GSTA3: variants seen among roughly 807,000 people sequenced by gnomAD.
GSTA3 encodes glutathione S-transferase A3.
In GSTA3, 16 loss-of-function variants were observed where a neutral mutation model predicts 23.1. The ratio of observed to expected loss-of-function variants is 0.69; its 90% CI spans 0.47 to 1.05. The LOEUF is 1.05. Among genes scored for constraint, GSTA3 ranks in the 50% least tolerant of loss-of-function variants. GSTA3 has a pLI of 0.00. For missense variants in GSTA3, 319 were observed against 263.6 expected (o/e 1.21, Z -1.46); for synonymous variants, 122 against 91.0 (o/e 1.34, Z -1.94).
chr6:52,901,736 C>T (rs1314371540), intron 4 of GSTA3, among the ~76,000 whole-genome samples: 1 of 152,186 alleles, frequency 6.6e-6, no homozygotes, highest in Non-Finnish European at 1.5e-5. Context: ...TAGAATCAGG[C>T]AGCCCTATTG....
chr6:52,899,096 T>G (rs1471941655), intron 5 of GSTA3, among the ~76,000 whole-genome samples: 1 of 151,548 alleles, frequency 6.6e-6, no homozygotes, highest in Non-Finnish European at 1.5e-5. Context: ...CGGAATGAGT[T>G]AGGGTAGAGC....
At chr6:52,901,550 A>G (rs1765684557) in intron 4 of GSTA3, among the ~76,000 whole-genome samples, 1 of 152,164 alleles carries the variant, frequency 6.6e-6, no homozygotes, top group African/African-American at 2.4e-5. Flanking sequence ...GGTTATTTCT[A>G]CGTTTTGAAT....
chr6:52,899,499 A>G (rs972762315), intron 5 of GSTA3, among the ~76,000 whole-genome samples: 1 of 152,186 alleles, frequency 6.6e-6, no homozygotes, highest in Non-Finnish European at 1.5e-5. Context: ...TCTCTGAAAC[A>G]CTACAATATT....
chr6:52,897,013 C>T, intron 6 of GSTA3, 85 bp from the exon 7 acceptor site: 1 of 1,578,642 alleles, frequency 6.3e-7, no homozygotes, highest in East Asian at 2.2e-5. Context: ...ACCCCTCCTG[C>T]CAGAGACCAA....
At chr6:52,899,455 A>C (rs961652585) in intron 5 of GSTA3, among the ~76,000 whole-genome samples, 2 of 151,958 alleles carry the variant, frequency 1.3e-5, no homozygotes, top group African/African-American at 2.4e-5. Context: ...CTTCCTCTCC[A>C]CCCCACTGTC....
intron 1 of GSTA3, among the ~76,000 whole-genome samples, chr6:52,908,156 CTT>C (rs3063696): frequency 0.38 from 50,214 of 132,658 alleles, 9,013 homozygotes; most frequent in Admixed American, 0.52. Flanking sequence ...CAAGAGCAAT[CTT>C]TTTTTTTTTT....
chr6:52,899,829 G>A lies in GSTA3; in HGVS notation c.414+105C>T, dbSNP rs1199618697. 8 of 1,044,320 alleles carry A rather than the reference G, an allele frequency of 7.7e-6. No homozygotes were observed. In the Admixed American group the frequency reaches 8.2e-5, roughly 11 times the overall value. The allele number at this position is 1,044,320 out of a possible 1,614,324, so 64.7% of individuals were successfully genotyped here. A position where few individuals can be genotyped will look rare whatever the true frequency, so the allele number is the denominator to read the frequency against. On this transcript the variant is annotated intron_variant, in intron 5 of 6. Transcript: ENST00000211122. Reference sequence around the variant, plus strand: ...GTCAGAGAGCTGAATTGGTGTTCAGGAAGTCTCACTGAAAGTGAAGGTCAG... The same window carrying A: ...GTCAGAGAGCTGAATTGGTGTTCAGAAAGTCTCACTGAAAGTGAAGGTCAG...
chr6:52,905,537 G>T (rs1765861831), intron 2 of GSTA3, among the ~76,000 whole-genome samples: 1 of 151,514 alleles, frequency 6.6e-6, no homozygotes, highest in Admixed American at 6.6e-5. Context: ...TATTTTAATT[G>T]TTCATGTGTT....
intron 3 of GSTA3, among the ~76,000 whole-genome samples, 187 bp downstream of exon 3, chr6:52,903,489 C>T (rs940497232): frequency 6.6e-6 from 1 of 150,488 alleles, no homozygotes; most frequent in South Asian, 2.1e-4. Context: ...CCCAGCTACT[C>T]GGGAGGCTGA....
chr6:52,903,711 A>G lies in GSTA3; in HGVS notation c.104T>C (p.Ile35Thr). Residue 35 changes from isoleucine (I) to threonine (T), a missense_variant, in exon 3 of 7, where the codon ATA becomes ACA. By Grantham distance (89) the Ile-to-Thr change is moderately conservative (BLOSUM62 -1). Coordinates refer to ENST00000211122, the MANE Select transcript of GSTA3 (RefSeq NM_000847.5). ...AAGVEFEEKFIGSAEDLGKLR... is the reference protein window; with the variant it reads ...AAGVEFEEKFTGSAEDLGKLR... ...CTTTCCCAAATCTTCTGCAGATCCTATAAATTTCTCTTCAAACTGGAAGCA... is the reference window on the plus strand; with the variant it reads ...CTTTCCCAAATCTTCTGCAGATCCTGTAAATTTCTCTTCAAACTGGAAGCA... 1 of 1,592,820 alleles carries G rather than the reference A, an allele frequency of 6.3e-7. No homozygotes were observed. The highest frequency in any genetic ancestry group is 1.7e-5 in the Admixed American group (1 of 59,910).
rs768064423 is a variant in GSTA3 at position 52,899,979 on chromosome 6, C to T, written c.369G>A (p.Leu123=). ...AGCGACTTTTTGTTTTCTCTTTGAT[C>T]AAGGCAATCTTGGCATCTTTTTCCT... ...RPEEKDAKIA[L]IKEKTKSRYF... Residue 123 remains leucine, a synonymous_variant, in exon 5 of 7, where the codon TTG becomes TTA. Transcript: ENST00000211122. The T allele has an allele frequency of 3.1e-6, 5 of 1,614,024 alleles. No homozygotes were observed. The Middle Eastern group carries it at 4.9e-4, about 160-fold the overall frequency.
chr6:52,903,648 T>C, intron 3 of GSTA3, 28 bp downstream of exon 3: 1 of 1,267,396 alleles, frequency 7.9e-7, no homozygotes, highest in Non-Finnish European at 1.2e-6. Flanking sequence ...GATACCCTCA[T>C]CAGAGGCACT....
intron 1 of GSTA3, among the ~76,000 whole-genome samples, chr6:52,906,587 A>G (rs1364840853): frequency 6.6e-6 from 1 of 152,184 alleles, no homozygotes; most frequent in African/African-American, 2.4e-5. Context: ...AGTAACCAAA[A>G]CAGCATGGTA....
At chr6:52,901,504 A>G (rs995422503) in intron 4 of GSTA3, among the ~76,000 whole-genome samples, 1 of 152,176 alleles carries the variant, frequency 6.6e-6, no homozygotes, top group Non-Finnish European at 1.5e-5. Context: ...GCTAAGGCAC[A>G]CTTTGTTCCT....
chr6:52,898,293 G>A (rs1765531826), intron 5 of GSTA3, among the ~76,000 whole-genome samples: 1 of 152,064 alleles, frequency 6.6e-6, no homozygotes, highest in African/African-American at 2.4e-5. Flanking sequence ...GTGTAGCCTT[G>A]ACATTCAGGA....
chr6:52,905,204 G>T (rs1765851090), intron 2 of GSTA3, among the ~76,000 whole-genome samples: 1 of 152,092 alleles, frequency 6.6e-6, no homozygotes, highest in East Asian at 1.9e-4. Context: ...TCATCTAGCT[G>T]CAGTAATCAC....
At chr6:52,903,779 C>T in intron 2 of GSTA3, 52 bp from the exon 3 acceptor site, 2 of 1,088,678 alleles carry the variant, frequency 1.8e-6, no homozygotes, top group Non-Finnish European at 2.8e-6. Flanking sequence ...CATAGCATTA[C>T]AGACTTGTGA....
At chr6:52,905,255 C>T (rs1233555465) in intron 2 of GSTA3, among the ~76,000 whole-genome samples, 1 of 152,176 alleles carries the variant, frequency 6.6e-6, no homozygotes, top group East Asian at 1.9e-4. Context: ...CAGCTTCTCT[C>T]CTCCTCTGTC....
At chr6:52,908,811 T>A (rs1052734420) in intron 1 of GSTA3, among the ~76,000 whole-genome samples, 1 of 152,208 alleles carries the variant, frequency 6.6e-6, no homozygotes, top group African/African-American at 2.4e-5. Context: ...GTTATTATTA[T>A]TCTTAGATCT....
Sources: gnomAD v4.1 joint callset for allele counts (sites outside exome capture counted in the v4.1 genomes callset) on GRCh38, gnomAD v4.1.1 for gene constraint, MANE v1.5 for transcripts, NCBI Gene and HGNC (gene_info 2026-07-23, HGNC 2026-07-21) for gene names.